Variants in CSMD1 observed in about 807,000 individuals in gnomAD.
CSMD1 encodes CUB and sushi domain-containing protein 1.
CSMD1 carries 213 observed loss-of-function variants against 417.5 expected under a neutral mutation model. That is an observed-to-expected ratio of 0.51 (90% CI 0.46 to 0.57). The LOEUF is 0.57. Among genes scored for constraint, CSMD1 ranks in the 20% least tolerant of loss-of-function variants. The pLI, the probability that CSMD1 is intolerant of heterozygous loss-of-function variation, is 0.00. For missense variants in CSMD1, 6,923 were observed against 4,529.7 expected (o/e 1.53, Z -15.17); for synonymous variants, 2,862 against 1,736.8 (o/e 1.65, Z -16.11).
At chr8:4,615,937 T>C (rs370899467) in intron 2 of CSMD1, among the ~76,000 whole-genome samples, 2 of 152,208 alleles carry the variant, frequency 1.3e-5, no homozygotes, top group African/African-American at 4.8e-5. Context: ...TTTCAAAACT[T>C]AGATTAAGAA....
intron 1 of CSMD1, among the ~76,000 whole-genome samples, chr8:4,808,747 T>G (rs1357448185): frequency 1.3e-5 from 2 of 152,228 alleles, no homozygotes; most frequent in Admixed American, 6.5e-5. Flanking sequence ...GGGAGAACAT[T>G]AAAACATAAA....
At chr8:4,226,153 G>A (rs1232371498) in intron 3 of CSMD1, among the ~76,000 whole-genome samples, 1 of 151,348 alleles carries the variant, frequency 6.6e-6, no homozygotes, top group African/African-American at 2.4e-5. Flanking sequence ...TCATTTTTCT[G>A]TTACTTGGCA....
intron 7 of CSMD1, among the ~76,000 whole-genome samples, chr8:3,664,381 G>T (rs1344616281): frequency 1.3e-5 from 2 of 152,120 alleles, no homozygotes; most frequent in African/African-American, 2.4e-5. Context: ...AGCTTTTTCT[G>T]CTCCTGGTTC....
At chr8:3,861,572 G>C (rs886517576) in intron 5 of CSMD1, among the ~76,000 whole-genome samples, 2 of 152,136 alleles carry the variant, frequency 1.3e-5, no homozygotes, top group African/African-American at 4.8e-5. Context: ...CTTGGGAATG[G>C]CTCCTATGGT....
chr8:3,998,303 A>G (rs1248906489), intron 4 of CSMD1, among the ~76,000 whole-genome samples, 193 bp from the exon 5 acceptor site: 2 of 152,178 alleles, frequency 1.3e-5, no homozygotes. Flanking sequence ...TAACATTTAA[A>G]TTATCTTATT....
intron 3 of CSMD1, among the ~76,000 whole-genome samples, chr8:4,348,270 G>T (rs1463313605): frequency 6.6e-6 from 1 of 152,066 alleles, no homozygotes; most frequent in African/African-American, 2.4e-5. Flanking sequence ...CTAAGGGGAA[G>T]GTAGATATAA....
intron 7 of CSMD1, among the ~76,000 whole-genome samples, chr8:3,665,540 T>C (rs907809035): frequency 6.6e-6 from 1 of 152,068 alleles, no homozygotes; most frequent in Admixed American, 6.6e-5. Context: ...AAGATATATA[T>C]ATTTGTCAGG....
intron 1 of CSMD1, among the ~76,000 whole-genome samples, chr8:4,677,723 T>C (rs926036662): frequency 6.6e-6 from 1 of 152,120 alleles, no homozygotes; most frequent in African/African-American, 2.4e-5. Context: ...CCCATTAGAG[T>C]TCTTGGCAGG....
rs896175095 is a variant in CSMD1 at position 4,652,981 on chromosome 8, C to T, written c.86-15423G>A. Reference sequence around the variant, plus strand: ...AAATACAAGCAAAGCTTCCCTTGCTCACCCACTGCTCATCCCCTACTGTGT... The same window carrying T: ...AAATACAAGCAAAGCTTCCCTTGCTTACCCACTGCTCATCCCCTACTGTGT... On this transcript the variant is annotated intron_variant, in intron 1 of 69. Transcript: ENST00000635120. 4.9e-4 allele frequency among the ~76,000 whole-genome samples: 74 copies of T among 151,802 alleles called. 1 individual carries two copies. The highest frequency in any genetic ancestry group is 1.7e-3 in the African/African-American group (71 of 41,134).
At chr8:4,678,079 A>T (rs2130967359) in intron 1 of CSMD1, among the ~76,000 whole-genome samples, 1 of 152,308 alleles carries the variant, frequency 6.6e-6, no homozygotes, top group African/African-American at 2.4e-5. Flanking sequence ...ATATGAATTA[A>T]AGGAACTCTC....
intron 7 of CSMD1, among the ~76,000 whole-genome samples, chr8:3,689,361 T>C (rs897835921): frequency 6.6e-6 from 1 of 152,136 alleles, no homozygotes; most frequent in Non-Finnish European, 1.5e-5. Flanking sequence ...ATACCACCCT[T>C]GCTGATGCCA....
intron 1 of CSMD1, among the ~76,000 whole-genome samples, chr8:4,949,964 G>A (rs1029640760): frequency 2.0e-5 from 3 of 152,020 alleles, no homozygotes; most frequent in Non-Finnish European, 4.4e-5. Context: ...ATTTTAAACA[G>A]TTAATGCAAA....
chr8:4,662,758 G>A (rs984248255), intron 1 of CSMD1, among the ~76,000 whole-genome samples: 1 of 152,146 alleles, frequency 6.6e-6, no homozygotes, highest in African/African-American at 2.4e-5. Flanking sequence ...CCGTTCCTAT[G>A]GATGATGCTC....
rs5889073 is a variant in CSMD1, at chr8:4,932,258, T to TA, written c.85+62073dup. 2.1e-5 allele frequency among the ~76,000 whole-genome samples: 3 copies of TA among 144,090 alleles called. No individual in the cohort carries two copies. In the East Asian group the frequency reaches 5.9e-4, roughly 28 times the overall value. 94.5% of individuals were successfully genotyped at this position (144,090 alleles called of 152,430 possible). On this transcript the variant is annotated intron_variant, in intron 1 of 69. Coordinates refer to ENST00000635120, the MANE Select transcript of CSMD1 (RefSeq NM_033225.6). ...CTTTTAAATATAACTTCTCTGGTTT[T>TA]AAAAAAAAGTGAATTTTACATAAAA...
intron 2 of CSMD1, among the ~76,000 whole-genome samples, chr8:4,560,640 C>A (rs1007918570): frequency 2.0e-5 from 3 of 152,196 alleles, no homozygotes; most frequent in Non-Finnish European, 2.9e-5. Context: ...ATGTGACAGT[C>A]CTCAGCAAGA....
rs903483940 is a variant in CSMD1 at position 3,189,902 on chromosome 8, C to T, written c.5398+10G>A. On this transcript the variant is annotated intron_variant, in intron 34 of 69. Coordinates refer to ENST00000635120, the MANE Select transcript of CSMD1 (RefSeq NM_033225.6). ...GTTCTGGCGGGCAGCCGCTTAGGGA[C>T]ACTGCTCACCCACACAGCTGGGGAT... is the stretch of plus-strand genomic sequence containing the variant. The T allele has an allele frequency of 1.3e-6, 2 of 1,565,186 alleles. No homozygotes were observed. The highest frequency in any genetic ancestry group is 1.2e-5 in the South Asian group (1 of 85,014).
intron 2 of CSMD1, among the ~76,000 whole-genome samples, chr8:4,598,996 G>A (rs1800435029): frequency 6.6e-6 from 1 of 152,082 alleles, no homozygotes; most frequent in Non-Finnish European, 1.5e-5. Flanking sequence ...ACGTGTACCA[G>A]AAAAATTATA....
chr8:4,197,704 C>G lies in CSMD1; in HGVS notation c.416-165605G>C, dbSNP rs569515500. On this transcript the variant is annotated intron_variant, in intron 3 of 69. Coordinates refer to ENST00000635120, the MANE Select transcript of CSMD1 (RefSeq NM_033225.6). ...GGCCAGCTTGGCCAACATAGTGAAG[C>G]TCTGTCTCTACTAAAAATACAAAAA... Among the ~76,000 whole-genome samples the G allele has an allele frequency of 2.6e-5, 4 of 152,258 alleles. No homozygotes were observed. In the South Asian group the frequency reaches 8.3e-4, roughly 32 times the overall value.
chr8:3,906,830 A>G (rs1808147381), intron 5 of CSMD1, among the ~76,000 whole-genome samples: 1 of 152,212 alleles, frequency 6.6e-6, no homozygotes, highest in African/African-American at 2.4e-5. Context: ...GCATATATCA[A>G]GAAGGACAGC....
Sources: gnomAD v4.1 joint callset for allele counts (sites outside exome capture counted in the v4.1 genomes callset) on GRCh38, gnomAD v4.1.1 for gene constraint, MANE v1.5 for transcripts, NCBI Gene and HGNC (gene_info 2026-07-23, HGNC 2026-07-21) for gene names.